The following NAV3 variants were observed in gnomAD, a reference collection of about 807,000 sequenced individuals.
NAV3 encodes pore membrane and/or filament interacting like protein 1.
Under a neutral mutation model 244.7 loss-of-function variants are expected in NAV3, and 87 were observed. The observed-to-expected ratio is 0.36, with a 90% CI of 0.30 to 0.42. NAV3 has a LOEUF of 0.42. Among genes scored for constraint, NAV3 ranks in the 20% least tolerant of loss-of-function variants. The probability of loss-of-function intolerance (pLI) is 1.00; values close to 1 mark genes in which losing one functional copy is unlikely to be tolerated. For missense variants in NAV3, 2,663 were observed against 2,893.3 expected (o/e 0.92, Z 1.83); for synonymous variants, 1,126 against 1,042.2 (o/e 1.08, Z -1.55).
At chr12:77,736,330 A>G (rs1172012137) in intron 2 of NAV3, among the ~76,000 whole-genome samples, 1 of 152,210 alleles carries the variant, frequency 6.6e-6, no homozygotes, top group Non-Finnish European at 1.5e-5. Flanking sequence ...ATTTCTTAAC[A>G]AACACCTCAA....
intron 15 of NAV3, among the ~76,000 whole-genome samples, chr12:78,121,324 G>A (rs1566165382): frequency 1.3e-5 from 2 of 152,052 alleles, no homozygotes. Flanking sequence ...AATAGCACTG[G>A]CAACTGACAT....
intron 1 of NAV3, among the ~76,000 whole-genome samples, chr12:77,846,604 T>C (rs900200436): frequency 1.3e-5 from 2 of 152,180 alleles, no homozygotes; most frequent in African/African-American, 4.8e-5. Flanking sequence ...TTTTCTATAA[T>C]AGTCTAATTA....
intron 2 of NAV3, among the ~76,000 whole-genome samples, chr12:77,572,855 T>C (rs1461450232): frequency 6.6e-6 from 1 of 152,248 alleles, no homozygotes; most frequent in Non-Finnish European, 1.5e-5. Context: ...TAGCGAGCTT[T>C]TTAGTAAGAA....
intron 11 of NAV3, among the ~76,000 whole-genome samples, chr12:78,054,769 T>C (rs1218728947): frequency 6.6e-6 from 1 of 151,608 alleles, no homozygotes; most frequent in Admixed American, 6.6e-5. Flanking sequence ...AGATGGAAAA[T>C]AGTACCGTTA....
At chr12:77,714,346 A>T (rs770546) in intron 2 of NAV3, among the ~76,000 whole-genome samples, 15 of 152,198 alleles carry the variant, frequency 9.9e-5, no homozygotes, top group Middle Eastern at 3.4e-3. Context: ...CTATTTTTTT[A>T]TTGTTGTTGT....
chr12:77,671,812 A>G (rs376547360), intron 2 of NAV3, among the ~76,000 whole-genome samples: 1 of 152,182 alleles, frequency 6.6e-6, no homozygotes, highest in African/African-American at 2.4e-5. Context: ...ATTCTGGAAG[A>G]TAACGTCAGA....
rs576415620 is a variant in NAV3 at position 77,587,097 on chromosome 12, T to C, written c.72+14831T>C. Among the ~76,000 whole-genome samples, 11 of 152,298 alleles carry C rather than the reference T, an allele frequency of 7.2e-5. No individual in the cohort carries two copies. In the East Asian group the frequency reaches 2.1e-3, roughly 29 times the overall value. On this transcript the variant is annotated intron_variant, in intron 2 of 8. Coordinates refer to the NAV3 transcript ENST00000550042. Reference sequence around the variant, plus strand: ...ACTTAAGAAGTATATACACAAGCAATGAATGAGATAATCAGTTTTGCATCA... The same window carrying C: ...ACTTAAGAAGTATATACACAAGCAACGAATGAGATAATCAGTTTTGCATCA...
At chr12:77,873,914 G>A (rs1244512217) in intron 1 of NAV3, among the ~76,000 whole-genome samples, 2 of 151,078 alleles carry the variant, frequency 1.3e-5, no homozygotes, top group African/African-American at 4.9e-5. Context: ...ACCGGTCTGT[G>A]GCCTGTTTAG....
At chr12:77,963,255 G>A (rs1422467759) in intron 3 of NAV3, among the ~76,000 whole-genome samples, 1 of 152,002 alleles carries the variant, frequency 6.6e-6, no homozygotes, top group African/African-American at 2.4e-5. Context: ...TTAAAAACAG[G>A]AATGATAAAA....
Position 78,093,483 on chromosome 12 carries a change from T to C in NAV3, c.2637-23289T>C, listed in dbSNP as rs188636285. 1.1e-4 allele frequency among the ~76,000 whole-genome samples: 16 copies of C among 152,242 alleles called. No individual in the cohort carries two copies. The East Asian group carries it at 2.3e-3, about 22-fold the overall frequency. On this transcript the variant is annotated intron_variant, in intron 12 of 39. Coordinates refer to ENST00000397909, the MANE Select transcript of NAV3 (RefSeq NM_001024383.2). ...AAATCCAAAGTGCCCTTCAATCTCA[T>C]AGGGCATGACGTTGTAATGGAAGCA...
At chr12:77,969,320 T>A (rs1193864041) in intron 5 of NAV3, among the ~76,000 whole-genome samples, 1 of 152,104 alleles carries the variant, frequency 6.6e-6, no homozygotes, top group Non-Finnish European at 1.5e-5. Flanking sequence ...TTTTCCAATA[T>A]AGAATTATAT....
At chr12:77,782,564 G>T (rs1451239753) in intron 2 of NAV3, among the ~76,000 whole-genome samples, 1 of 152,116 alleles carries the variant, frequency 6.6e-6, no homozygotes, top group East Asian at 1.9e-4. Flanking sequence ...GGAGAACTTG[G>T]ATTCCCTATT....
chr12:77,885,566 A>AT (rs1439587162), intron 1 of NAV3, among the ~76,000 whole-genome samples: 1 of 152,130 alleles, frequency 6.6e-6, no homozygotes, highest in African/African-American at 2.4e-5. Context: ...CTAAAGGAGT[A>AT]TTTTTGTGAA....
In NAV3 at chr12:77,653,031, T is replaced by G. The variant is rs1400143217; in HGVS notation, c.72+80765T>G. On this transcript the variant is annotated intron_variant, in intron 2 of 8. Transcript: ENST00000550042. ...AAAAATATTACCTAGTCAAATAAAT[T>G]TAAGAAACTGGAATACAGAAGATAA... Among the ~76,000 whole-genome samples the G allele has an allele frequency of 2.0e-5, 3 of 150,974 alleles. No homozygotes were observed. In the East Asian group the frequency reaches 5.8e-4, roughly 29 times the overall value.
intron 2 of NAV3, among the ~76,000 whole-genome samples, chr12:77,664,053 G>A (rs1234657557): frequency 1.3e-5 from 2 of 152,154 alleles, no homozygotes; most frequent in African/African-American, 2.4e-5. Flanking sequence ...TAACCCTTTA[G>A]CATGGTACAG....
At chr12:77,904,973 G>A (rs923624224) in intron 1 of NAV3, among the ~76,000 whole-genome samples, 3 of 151,882 alleles carry the variant, frequency 2.0e-5, no homozygotes, top group African/African-American at 7.3e-5. Flanking sequence ...AAGTAAGAAA[G>A]CGATTTGAAA....
intron 5 of NAV3, among the ~76,000 whole-genome samples, chr12:77,973,778 T>C (rs1351007003): frequency 1.3e-5 from 2 of 152,166 alleles, no homozygotes; most frequent in African/African-American, 4.8e-5. Context: ...AGGTAGGCTT[T>C]AGTAATTTAA....
intron 1 of NAV3, among the ~76,000 whole-genome samples, chr12:77,914,605 A>T (rs2137085041): frequency 6.6e-6 from 1 of 152,206 alleles, no homozygotes; most frequent in East Asian, 1.9e-4. Context: ...GCTCTTTGGG[A>T]TAACCTTTAC....
intron 3 of NAV3, among the ~76,000 whole-genome samples, chr12:77,958,207 C>G (rs144166074): frequency 6.6e-6 from 1 of 152,202 alleles, no homozygotes; most frequent in South Asian, 2.1e-4. Flanking sequence ...TGAAAATAGA[C>G]AATCAGAAAA....
Sources: allele counts gnomAD v4.1 joint callset (sites outside exome capture counted in the v4.1 genomes callset), GRCh38; gene constraint gnomAD v4.1.1; transcripts MANE v1.5; gene names NCBI Gene and HGNC (gene_info 2026-07-23, HGNC 2026-07-21).